BRIP1: variants seen among roughly 807,000 people sequenced by gnomAD.
BRIP1 encodes Fanconi anemia group J protein.
In BRIP1, 88 loss-of-function variants were observed where a neutral mutation model predicts 119.7. The ratio of observed to expected loss-of-function variants is 0.74; its 90% CI spans 0.62 to 0.88. BRIP1 has a LOEUF of 0.88. Among genes scored for constraint, BRIP1 ranks in the 40% least tolerant of loss-of-function variants. The probability of loss-of-function intolerance (pLI) is 0.00; values close to 1 mark genes in which losing one functional copy is unlikely to be tolerated. For missense variants in BRIP1, 1,259 were observed against 1,455.4 expected, an observed-to-expected ratio of 0.87 and a Z score of 2.20; for synonymous variants, 443 against 496.5, an observed-to-expected ratio of 0.89 and a Z score of 1.43.
rs1000446479 is a variant in BRIP1 at position 61,761,259 on chromosome 17, T to C, written c.2097+15142A>G. On this transcript the variant is annotated intron_variant, in intron 14 of 19. Transcript: ENST00000259008. The surrounding 1 kb of genome is among the most constrained non-coding windows in gnomAD (Gnocchi z 6.4). ...GGTATAGAAGAAATGTACTGCATAT[T>C]TGGCCAATAAAGGCCAAATATGATA... is the stretch of plus-strand genomic sequence containing the variant. 3.9e-5 allele frequency among the ~76,000 whole-genome samples: 6 copies of C among 151,948 alleles called. No individual in the cohort carries two copies. Among genetic ancestry groups the C allele is most frequent in the African/African-American group, 1.4e-4 (6 of 41,420 alleles).
chr17:61,703,031 TATCTC>T lies in BRIP1; in HGVS notation c.2493-9524_2493-9520del, dbSNP rs2061639809. On this transcript the variant is annotated intron_variant, in intron 17 of 19. Coordinates refer to ENST00000259008, the MANE Select transcript of BRIP1 (RefSeq NM_032043.3). The surrounding 1 kb of genome is among the most constrained non-coding windows in gnomAD (Gnocchi z 5.0). ...AGCCATTCTGACTAGTGCGAGATGTTATCTCATTGTGTATGTATGTGTTTTTTTGT... is the reference window on the plus strand; with the variant it reads ...AGCCATTCTGACTAGTGCGAGATGTTATTGTGTATGTATGTGTTTTTTTGT... 6.6e-6 allele frequency among the ~76,000 whole-genome samples: 1 copy of T among 151,772 alleles called. No individual in the cohort carries two copies. Among genetic ancestry groups the T allele is most frequent in the South Asian group, 2.1e-4 (1 of 4,818 alleles).
rs2078962389 is a variant in BRIP1, at chr17:61,860,708, C to T, written c.93+739G>A. 6.6e-6 allele frequency among the ~76,000 whole-genome samples: 1 copy of T among 151,944 alleles called. No individual in the cohort carries two copies. The highest frequency in any genetic ancestry group is 1.5e-5 in the Non-Finnish European group (1 of 67,996). On this transcript the variant is annotated intron_variant, in intron 2 of 19. Transcript: ENST00000259008. This position sits in a 1 kb window ranked among gnomAD's most constrained non-coding sequence, Gnocchi z 4.1. ...TTCACAGCAGCATTGTTTGTAACTG[C>T]AAAAGAATGTAAACAACCTAAATGT...
chr17:61,861,404 T>C lies in BRIP1; in HGVS notation c.93+43A>G, dbSNP rs778367833. The C allele has an allele frequency of 2.3e-5, 29 of 1,247,228 alleles. No homozygotes were observed. In the Admixed American group the frequency reaches 4.7e-4, roughly 20 times the overall value. The allele number at this position is 1,247,228 out of a possible 1,614,324, so 77.3% of individuals were successfully genotyped here. On this transcript the variant is annotated intron_variant, in intron 2 of 19. Transcript: ENST00000259008. This position sits in a 1 kb window ranked among gnomAD's most constrained non-coding sequence, Gnocchi z 4.5. ...CTCAATGTACTTTATGGGTCATAAG[T>C]ATCTATATCTTAATAAAAACTTAAC...
chr17:61,850,104 CT>C lies in BRIP1; in HGVS notation c.380-849del, dbSNP rs144151549. Among the ~76,000 whole-genome samples the C allele has an allele frequency of 1.7e-3, 236 of 139,822 alleles. 2 individuals carry two copies. Among genetic ancestry groups the C allele is most frequent in the South Asian group, 9.8e-3 (43 of 4,386 alleles). The allele number at this position is 139,822 out of a possible 152,430, so 91.7% of individuals were successfully genotyped here. Reference sequence around the variant, plus strand: ...TAATTTAACAATCTTTTTTAACCATCTTTTTTTTTTTTTTTGAGATGGAGTT... The same window carrying C: ...TAATTTAACAATCTTTTTTAACCATCTTTTTTTTTTTTTTGAGATGGAGTT... On this transcript the variant is annotated intron_variant, in intron 4 of 19. Transcript: ENST00000259008.
rs554073724 is a variant in BRIP1 at position 61,849,627 on chromosome 17, G to A, written c.380-371C>T. Among the ~76,000 whole-genome samples the A allele has an allele frequency of 3.9e-5, 6 of 152,192 alleles. No individual in the cohort carries two copies. The East Asian group carries it at 7.7e-4, about 20-fold the overall frequency. ...TTTCTTCCCTACTAAGTTTCTCCAC[G>A]TTCTTTAGAGCAAAACCATTGATTA... On this transcript the variant is annotated intron_variant, in intron 4 of 19. Transcript: ENST00000259008.
chr17:61,826,730 GTAA>G (rs1157695557), intron 6 of BRIP1, among the ~76,000 whole-genome samples: 7 of 6,272 alleles, frequency 1.1e-3, no homozygotes, highest in African/African-American at 3.4e-3. Context: ...TTATTAAAAA[GTAA>G]AAAAAAAAAA....
chr17:61,806,445 AT>A lies in BRIP1; in HGVS notation c.918+2021del. Among the ~76,000 whole-genome samples, 1 of 152,314 alleles carries A rather than the reference AT, an allele frequency of 6.6e-6. No homozygotes were observed. The highest frequency in any genetic ancestry group is 1.9e-4 in the East Asian group (1 of 5,188). ...CAAGCAGATATCTTCAATTATTCAT[AT>A]TACTAATATTAAAAAATAAAATACC... On this transcript the variant is annotated intron_variant, in intron 7 of 19. Transcript: ENST00000259008. This position sits in a 1 kb window ranked among gnomAD's most constrained non-coding sequence, Gnocchi z 4.9.
chr17:61,738,960 C>G lies in BRIP1; in HGVS notation c.2379+4053G>C. The G allele has an allele frequency of 6.5e-6, 1 of 154,822 alleles. No homozygotes were observed. Among genetic ancestry groups the G allele is most frequent in the East Asian group, 1.8e-4 (1 of 5,606 alleles). 9.6% of individuals were successfully genotyped at this position (154,822 alleles called of 1,614,324 possible). Reference sequence around the variant, plus strand: ...TTGTACGTATAATATTTAGTACAACCTAGTATTAGCCATAAAGTTTTTCTT... The same window carrying G: ...TTGTACGTATAATATTTAGTACAACGTAGTATTAGCCATAAAGTTTTTCTT... On this transcript the variant is annotated intron_variant, in intron 16 of 19. Coordinates refer to ENST00000259008, the MANE Select transcript of BRIP1 (RefSeq NM_032043.3). This position sits in a 1 kb window ranked among gnomAD's most constrained non-coding sequence, Gnocchi z 4.2.
At chr17:61,811,826 C>T (rs2078166617) in intron 6 of BRIP1, among the ~76,000 whole-genome samples, 1 of 151,832 alleles carries the variant, frequency 6.6e-6, no homozygotes, top group African/African-American at 2.4e-5. Context: ...GTGGCATGTG[C>T]CTCTAGTCCC....
At position 61,753,159 on chromosome 17, in the gene BRIP1, C is replaced by G. The variant is rs1468003061; in HGVS notation, c.2098-8568G>C. On this transcript the variant is annotated intron_variant, in intron 14 of 19. Transcript: ENST00000259008. The surrounding 1 kb of genome is among the most constrained non-coding windows in gnomAD (Gnocchi z 4.6). ...CCTCCTTGCCCTGTGATACTCTGAG[C>G]CACCCTGGGACTCAGCAGAGAGTTC... Among the ~76,000 whole-genome samples the G allele has an allele frequency of 6.6e-6, 1 of 152,130 alleles. No individual in the cohort carries two copies. Among genetic ancestry groups the G allele is most frequent in the African/African-American group, 2.4e-5 (1 of 41,426 alleles).
chr17:61,694,025 T>A (rs1285603798), intron 17 of BRIP1, among the ~76,000 whole-genome samples: 1 of 152,158 alleles, frequency 6.6e-6, no homozygotes, highest in African/African-American at 2.4e-5. Flanking sequence ...AGTCATGGTG[T>A]ATTATTCTTT....
At position 61,857,074 on chromosome 17, in the gene BRIP1, A is replaced by AGTGCCATT. The variant is rs2145826463; in HGVS notation, c.355_362dup (p.Ser122MetfsTer38). On this transcript the variant is annotated frameshift_variant, in exon 4 of 20. Transcript: ENST00000259008. LOFTEE classifies it high-confidence loss of function. The surrounding 1 kb of genome is among the most constrained non-coding windows in gnomAD (Gnocchi z 5.1). ...ATAAATTACCTTGACAAGTTGATGA[A>AGTGCCATT]GTGCCATTTCTTTCAGAAGGTGGTG... 6.2e-7 allele frequency: 1 copy of AGTGCCATT among 1,614,074 alleles called. No homozygotes were observed. Among genetic ancestry groups the AGTGCCATT allele is most frequent in the Non-Finnish European group, 8.5e-7 (1 of 1,179,966 alleles).
intron 14 of BRIP1, among the ~76,000 whole-genome samples, chr17:61,765,398 TATATATATATATATATATATATA>T (rs1343616613): frequency 1.4e-3 from 20 of 14,560 alleles, no homozygotes; most frequent in African/African-American, 3.1e-3. Context: ...TATATATATA[TATATATATATATATATATATATA>T]TATTTTTTTT....
chr17:61,801,227 G>T (rs750638388), intron 8 of BRIP1, 26 bp downstream of exon 8: 2 of 1,576,918 alleles, frequency 1.3e-6, no homozygotes, highest in Non-Finnish European at 1.7e-6. Flanking sequence ...TAGGAAGAAG[G>T]TTCTCATTTT....
At position 61,761,501 on chromosome 17, in the gene BRIP1, T is replaced by C. The variant is rs540447208; in HGVS notation, c.2097+14900A>G. 4.3e-4 allele frequency among the ~76,000 whole-genome samples: 65 copies of C among 152,042 alleles called. No homozygotes were observed. The highest frequency in any genetic ancestry group is 1.6e-3 in the African/African-American group (65 of 41,524). ...TTTGCTGAAGACATAATCTTATATA[T>C]AGAAACCCCTAAAGACTACAACAAA... On this transcript the variant is annotated intron_variant, in intron 14 of 19. Coordinates refer to ENST00000259008, the MANE Select transcript of BRIP1 (RefSeq NM_032043.3). The surrounding 1 kb of genome is among the most constrained non-coding windows in gnomAD (Gnocchi z 6.4).
Position 61,690,394 on chromosome 17 carries a change from T to C in BRIP1, c.2575+3036A>G, listed in dbSNP as rs1467797322. The stretch of plus-strand genomic sequence containing the variant: ...ATAGTATGTTAGTGGATACACTATA[T>C]AAAAGGGTATAATTTGTGACTTTAA... On this transcript the variant is annotated intron_variant, in intron 18 of 19. Coordinates refer to ENST00000259008, the MANE Select transcript of BRIP1 (RefSeq NM_032043.3). The surrounding 1 kb of genome is among the most constrained non-coding windows in gnomAD (Gnocchi z 5.6). Among the ~76,000 whole-genome samples the C allele has an allele frequency of 6.6e-6, 1 of 152,206 alleles. No homozygotes were observed. Among genetic ancestry groups the C allele is most frequent in the Non-Finnish European group, 1.5e-5 (1 of 68,022 alleles).
At position 61,814,999 on chromosome 17, in the gene BRIP1, T is replaced by C. The variant is rs2078215642; in HGVS notation, c.628-6242A>G. Among the ~76,000 whole-genome samples the C allele has an allele frequency of 6.6e-6, 1 of 151,046 alleles. No individual in the cohort carries two copies. The highest frequency in any genetic ancestry group is 2.4e-5 in the African/African-American group (1 of 41,082). ...CATAAAATTCTAAATAAGTTGATGA[T>C]AGAAATAAAAATATAAAACTTCAGG... On this transcript the variant is annotated intron_variant, in intron 6 of 19. Coordinates refer to ENST00000259008, the MANE Select transcript of BRIP1 (RefSeq NM_032043.3). This position sits in a 1 kb window ranked among gnomAD's most constrained non-coding sequence, Gnocchi z 4.9.
chr17:61,773,034 G>T (rs1412862323), intron 14 of BRIP1, among the ~76,000 whole-genome samples: 3 of 151,520 alleles, frequency 2.0e-5, no homozygotes, highest in Non-Finnish European at 4.4e-5. Flanking sequence ...GAATTATTTT[G>T]ATAAATTAAG....
Position 61,760,230 on chromosome 17 carries a change from T to TA in BRIP1, c.2098-15640dup, listed in dbSNP as rs976865481. ...CAATGAAGAAATTAAAAGGGAAATT[T>TA]AAAAAAAATATATTGAGACAAACAA... On this transcript the variant is annotated intron_variant, in intron 14 of 19. Transcript: ENST00000259008. The surrounding 1 kb of genome is among the most constrained non-coding windows in gnomAD (Gnocchi z 4.6). Among the ~76,000 whole-genome samples, 2 of 151,208 alleles carry TA rather than the reference T, an allele frequency of 1.3e-5. No homozygotes were observed. Among genetic ancestry groups the TA allele is most frequent in the African/African-American group, 2.4e-5 (1 of 41,226 alleles).
Sources: gnomAD v4.1 joint callset for allele counts (sites outside exome capture counted in the v4.1 genomes callset) on GRCh38, gnomAD v4.1.1 for gene constraint, Gnocchi (gnomAD v3.1) non-coding constraint, MANE v1.5 for transcripts, NCBI Gene and HGNC (gene_info 2026-07-23, HGNC 2026-07-21) for gene names.